The following DNAAF9 variants were observed in gnomAD, a reference collection of about 807,000 sequenced individuals.
DNAAF9 encodes shulin.
Under a neutral mutation model 167.0 loss-of-function variants are expected in DNAAF9, and 90 were observed. That is an observed-to-expected ratio of 0.54 (90% CI 0.45 to 0.64). DNAAF9 has a LOEUF of 0.64. Among genes scored for constraint, DNAAF9 ranks in the 30% least tolerant of loss-of-function variants. The pLI, the probability that DNAAF9 is intolerant of heterozygous loss-of-function variation, is 0.00. For missense variants in DNAAF9, 1,315 were observed against 1,442.2 expected (o/e 0.91, Z 1.43); for synonymous variants, 491 against 508.8 (o/e 0.96, Z 0.47).
At chr20:3,320,593 C>CTA (rs1398563780) in intron 16 of DNAAF9, among the ~76,000 whole-genome samples, 1 of 152,084 alleles carries the variant, frequency 6.6e-6, no homozygotes, top group African/African-American at 2.4e-5. Context: ...AAGTATTTCC[C>CTA]AATGTTTTAA....
chr20:3,278,953 G>A lies in DNAAF9; in HGVS notation c.2613-4C>T. On this transcript the variant is annotated splice_region_variant and splice_polypyrimidine_tract_variant and intron_variant, in intron 28 of 36. Transcript: ENST00000252032. ...AAGACATTTAGGAAAGAGAAATCTA[G>A]GGGGAAAAAAGGGGGAAATATTTAA... The A allele has an allele frequency of 6.3e-7, 1 of 1,590,054 alleles. No homozygotes were observed. Among genetic ancestry groups the A allele is most frequent in the Non-Finnish European group, 8.6e-7 (1 of 1,161,146 alleles).
At chr20:3,358,405 T>G (rs953062895) in intron 7 of DNAAF9, among the ~76,000 whole-genome samples, 2 of 152,172 alleles carry the variant, frequency 1.3e-5, no homozygotes, top group African/African-American at 4.8e-5. Flanking sequence ...TGCCTCAGCC[T>G]TCTGAGTAGC....
chr20:3,323,549 A>C (rs1325598222), intron 14 of DNAAF9, among the ~76,000 whole-genome samples: 1 of 151,968 alleles, frequency 6.6e-6, no homozygotes, highest in Non-Finnish European at 1.5e-5. Flanking sequence ...CCAAAGTGTT[A>C]AGATTACAGG....
At chr20:3,336,129 A>C (rs1296658327) in intron 10 of DNAAF9, among the ~76,000 whole-genome samples, 1 of 152,174 alleles carries the variant, frequency 6.6e-6, no homozygotes, top group East Asian at 1.9e-4. Context: ...TTTCAAAAAA[A>C]AAATATTTTT....
At chr20:3,264,784 C>T (rs6139054) in intron 30 of DNAAF9, among the ~76,000 whole-genome samples, 1 of 152,006 alleles carries the variant, frequency 6.6e-6, no homozygotes, top group Non-Finnish European at 1.5e-5. Context: ...TGGCCAGGAT[C>T]GTCTCAATCT....
intron 11 of DNAAF9, 101 bp from the exon 12 acceptor site, chr20:3,330,783 G>T: frequency 9.0e-6 from 5 of 554,698 alleles, no homozygotes; most frequent in Non-Finnish European, 1.2e-5. Flanking sequence ...GCATTGTCAA[G>T]AACTACACTT....
At chr20:3,320,950 T>A (rs1471256936) in intron 16 of DNAAF9, among the ~76,000 whole-genome samples, 1 of 152,210 alleles carries the variant, frequency 6.6e-6, no homozygotes, top group Admixed American at 6.5e-5. Context: ...TGTACTACCC[T>A]CTCATGTACC....
At chr20:3,350,521 A>G (rs1390406093) in intron 7 of DNAAF9, among the ~76,000 whole-genome samples, 1 of 152,186 alleles carries the variant, frequency 6.6e-6, no homozygotes, top group Non-Finnish European at 1.5e-5. Context: ...TCCTAGCTCT[A>G]TCTACTGAAG....
Position 3,371,104 on chromosome 20 carries a change from C to T in DNAAF9, c.612+2944G>A, listed in dbSNP as rs528208281. 5.9e-5 allele frequency among the ~76,000 whole-genome samples: 9 copies of T among 152,172 alleles called. No individual in the cohort carries two copies. In the South Asian group the frequency reaches 1.7e-3, roughly 28 times the overall value. On this transcript the variant is annotated intron_variant, in intron 6 of 36. Transcript: ENST00000252032. ...TCCTCTGTATTCTGGAAAAGCTTTT[C>T]AAGTGTGTCAACTGATTAGATTTTT...
intron 20 of DNAAF9, among the ~76,000 whole-genome samples, chr20:3,310,209 GAACA>G (rs1460349501): frequency 7.0e-6 from 1 of 142,796 alleles, no homozygotes; most frequent in South Asian, 2.2e-4. Context: ...AAAGAAAGAT[GAACA>G]AACGAACTAA....
rs577670950 is a variant in DNAAF9, at chr20:3,280,340, A to T, written c.2612+1301T>A. Among the ~76,000 whole-genome samples, 15 of 152,206 alleles carry T rather than the reference A, an allele frequency of 9.9e-5. No homozygotes were observed. The South Asian group carries it at 2.9e-3, about 29-fold the overall frequency. On this transcript the variant is annotated intron_variant, in intron 28 of 36. Transcript: ENST00000252032. ...CACTTTTGGAGGCTGAGATGGGCAG[A>T]TCACCTGACGTTGGAAGTTCGAGAC...
At chr20:3,347,554 T>A (rs1357419501) in intron 8 of DNAAF9, among the ~76,000 whole-genome samples, 2 of 152,234 alleles carry the variant, frequency 1.3e-5, no homozygotes, top group African/African-American at 2.4e-5. Flanking sequence ...ATAAGACTTT[T>A]TCCCTATTAT....
intron 33 of DNAAF9, 32 bp from the exon 34 acceptor site, chr20:3,256,243 G>C (rs770419222): frequency 6.7e-7 from 1 of 1,493,576 alleles, no homozygotes; most frequent in Non-Finnish European, 9.3e-7. Context: ...GTCCCTGAGA[G>C]CCTGCCTTGA....
intron 32 of DNAAF9, 21 bp from the exon 33 acceptor site, chr20:3,259,575 C>A (rs761596842): frequency 6.4e-7 from 1 of 1,569,496 alleles, no homozygotes; most frequent in Admixed American, 1.7e-5. Flanking sequence ...AAGAGGACAG[C>A]GCTGTCACCC....
At chr20:3,376,407 T>C (rs1266518620) in intron 3 of DNAAF9, 105 bp from the exon 4 acceptor site, 24 of 930,098 alleles carry the variant, frequency 2.6e-5, no homozygotes, top group Non-Finnish European at 3.8e-5. Context: ...TCAGAGACAA[T>C]GTAACAAAAC....
At chr20:3,316,665 G>A (rs1045641504) in intron 18 of DNAAF9, 58 bp downstream of exon 18, 16 of 1,245,832 alleles carry the variant, frequency 1.3e-5, no homozygotes, top group Non-Finnish European at 1.8e-5. Context: ...TCTTCCTCAA[G>A]TGTTCACCCT....
chr20:3,357,722 G>A (rs1288574359), intron 7 of DNAAF9, among the ~76,000 whole-genome samples: 5 of 151,060 alleles, frequency 3.3e-5, no homozygotes, highest in Non-Finnish European at 5.9e-5. Flanking sequence ...ACAGAATCTC[G>A]CTGTTGTTGC....
chr20:3,282,487 T>C (rs1284578684), intron 27 of DNAAF9, among the ~76,000 whole-genome samples: 3 of 152,322 alleles, frequency 2.0e-5, no homozygotes, highest in African/African-American at 7.2e-5. Flanking sequence ...TCCTTGCCTC[T>C]CTCTGATCTG....
intron 6 of DNAAF9, among the ~76,000 whole-genome samples, chr20:3,370,138 T>G (rs1458692576): frequency 6.6e-6 from 1 of 152,224 alleles, no homozygotes; most frequent in Admixed American, 6.5e-5. Flanking sequence ...TGGGTCTCCA[T>G]CCCCTTATAT....
Sources: gnomAD v4.1 joint callset for allele counts (sites outside exome capture counted in the v4.1 genomes callset) on GRCh38, gnomAD v4.1.1 for gene constraint, MANE v1.5 for transcripts, NCBI Gene and HGNC (gene_info 2026-07-23, HGNC 2026-07-21) for gene names.